Variants in XKR4 observed in about 807,000 individuals in gnomAD.
XKR4 encodes XK-related protein 4.
Under a neutral mutation model 53.9 loss-of-function variants are expected in XKR4, and 12 were observed. The observed-to-expected ratio is 0.22, with a 90% CI of 0.14 to 0.36. The LOEUF is 0.36. XKR4 is among the 10% of genes least tolerant of loss of function. The pLI is 1.00. For synonymous variants in XKR4, 354 were observed against 362.4 expected, an observed-to-expected ratio of 0.98 and a Z score of 0.26; for missense variants, 799 against 859.5, an observed-to-expected ratio of 0.93 and a Z score of 0.88.
chr8:55,432,743 CT>C, intron 2 of XKR4, among the ~76,000 whole-genome samples: 1 of 152,110 alleles, frequency 6.6e-6, no homozygotes, highest in African/African-American at 2.4e-5. Context: ...CTTCCTGAAC[CT>C]TATTTTCATT....
At chr8:55,268,461 C>G (rs1585977701) in intron 1 of XKR4, among the ~76,000 whole-genome samples, 1 of 152,118 alleles carries the variant, frequency 6.6e-6, no homozygotes, top group African/African-American at 2.4e-5. Flanking sequence ...GCTAATTGTG[C>G]TAGCCAGTCT....
intron 1 of XKR4, among the ~76,000 whole-genome samples, chr8:55,252,377 A>G (rs1475707370): frequency 3.9e-5 from 6 of 152,206 alleles, no homozygotes; most frequent in Admixed American, 3.3e-4. Flanking sequence ...AGGATCTCAA[A>G]CATGTACACT....
At chr8:55,141,647 C>CTCTCTA in intron 1 of XKR4, among the ~76,000 whole-genome samples, 2 of 138,404 alleles carry the variant, frequency 1.4e-5, no homozygotes, top group Non-Finnish European at 3.1e-5. Flanking sequence ...GCTTCTGCTT[C>CTCTCTA]TCTCTCTCTC....
intron 1 of XKR4, among the ~76,000 whole-genome samples, chr8:55,130,690 C>T (rs1816540626): frequency 6.6e-6 from 1 of 152,190 alleles, no homozygotes; most frequent in Admixed American, 6.5e-5. Context: ...GACCAGATGA[C>T]TAGGCCCCCA....
chr8:55,339,172 A>G (rs1250541990), intron 1 of XKR4, among the ~76,000 whole-genome samples: 3 of 152,184 alleles, frequency 2.0e-5, no homozygotes, highest in Non-Finnish European at 4.4e-5. Flanking sequence ...GTTTGATAAC[A>G]TAGGATGCTG....
intron 1 of XKR4, among the ~76,000 whole-genome samples, chr8:55,124,301 T>A (rs963650556): frequency 6.6e-6 from 1 of 152,188 alleles, no homozygotes; most frequent in African/African-American, 2.4e-5. Flanking sequence ...TTGTGGAACC[T>A]TCTTTAGTAG....
intron 1 of XKR4, among the ~76,000 whole-genome samples, chr8:55,115,137 G>A (rs942389361): frequency 2.0e-5 from 3 of 152,288 alleles, no homozygotes; most frequent in Middle Eastern, 3.4e-3. Context: ...GTAGCAAGAT[G>A]CCCAGGTGAT....
At chr8:55,377,819 TA>T (rs1297111059) in intron 2 of XKR4, among the ~76,000 whole-genome samples, 1 of 152,198 alleles carries the variant, frequency 6.6e-6, no homozygotes, top group African/African-American at 2.4e-5. Flanking sequence ...AGTAATCTGA[TA>T]TAATCAGACC....
rs1183759778 is a variant in XKR4 at position 55,348,689 on chromosome 8, CAT to C, written c.807-8987_807-8986del. Among the ~76,000 whole-genome samples, 871 of 144,094 alleles carry C rather than the reference CAT, an allele frequency of 6.0e-3. 8 individuals are homozygous for C. Among genetic ancestry groups the C allele is most frequent in the African/African-American group, 0.023 (825 of 35,884 alleles). The allele number at this position is 144,094 out of a possible 152,430, so 94.5% of individuals were successfully genotyped here. A position where few individuals can be genotyped will look rare whatever the true frequency, so the allele number is the denominator to read the frequency against. ...ATAGAGGGAGAGAGAGACAGACAAA[CAT>C]ACACACACACACACACACACACACA... is the stretch of plus-strand genomic sequence containing the variant. On this transcript the variant is annotated intron_variant, in intron 1 of 2. Coordinates refer to ENST00000327381, the MANE Select transcript of XKR4 (RefSeq NM_052898.2).
At chr8:55,197,774 A>G (rs181461836) in intron 1 of XKR4, among the ~76,000 whole-genome samples, 1 of 152,176 alleles carries the variant, frequency 6.6e-6, no homozygotes, top group East Asian at 1.9e-4. Flanking sequence ...TGATCTCCTG[A>G]CCTCGTGATC....
chr8:55,507,325 A>G (rs1275770406), intron 2 of XKR4, among the ~76,000 whole-genome samples: 1 of 151,542 alleles, frequency 6.6e-6, no homozygotes, highest in African/African-American at 2.4e-5. Context: ...ATTCTCATCC[A>G]TTTTCTTTTT....
intron 2 of XKR4, among the ~76,000 whole-genome samples, chr8:55,394,391 C>T (rs919562062): frequency 1.8e-4 from 27 of 152,156 alleles, no homozygotes; most frequent in African/African-American, 6.0e-4. Context: ...GTTACAATAG[C>T]TCTCATAAGA....
At chr8:55,143,716 A>G (rs1407627944) in intron 1 of XKR4, among the ~76,000 whole-genome samples, 1 of 152,236 alleles carries the variant, frequency 6.6e-6, no homozygotes, top group East Asian at 1.9e-4. Context: ...CAGTCAGGAA[A>G]GGATGTGCCT....
chr8:55,306,256 T>A (rs1442203026), intron 1 of XKR4, among the ~76,000 whole-genome samples: 1 of 152,224 alleles, frequency 6.6e-6, no homozygotes, highest in African/African-American at 2.4e-5. Flanking sequence ...GAAGCTTCAT[T>A]GTACTTTGCT....
rs372636201 is a variant in XKR4, at chr8:55,523,634, C to G, written c.1360C>G (p.Arg454Gly). The change falls in exon 3 of 3, where the codon CGC (arginine) becomes GGC (glycine). Residue 454 changes from arginine (R) to glycine (G), a missense_variant. Arg to Gly is a moderately radical substitution (Grantham distance 125). Coordinates refer to ENST00000327381, the MANE Select transcript of XKR4 (RefSeq NM_052898.2). ...SWFNVKEGRT[R>G]CRLFIYYFVI... ...GTTCAATGTCAAGGAAGGCAGGACA[C>G]GCTGCAGGCTATTCATTTACTATTT... is the stretch of plus-strand genomic sequence containing the variant. The G allele has an allele frequency of 8.7e-5, 141 of 1,614,016 alleles. No individual in the cohort carries two copies. The highest frequency in any genetic ancestry group is 1.1e-4 in the Non-Finnish European group (131 of 1,180,024).
intron 2 of XKR4, among the ~76,000 whole-genome samples, chr8:55,407,301 G>C (rs116232484): frequency 9.1e-4 from 138 of 152,274 alleles, no homozygotes; most frequent in South Asian, 2.7e-3. Flanking sequence ...TGTGAAGCGG[G>C]GCTTTCGCAC....
intron 1 of XKR4, among the ~76,000 whole-genome samples, chr8:55,246,472 T>C (rs1818286847): frequency 6.6e-6 from 1 of 152,180 alleles, no homozygotes; most frequent in Admixed American, 6.5e-5. Context: ...CACTTGTACC[T>C]ACAGACAAAT....
intron 1 of XKR4, among the ~76,000 whole-genome samples, chr8:55,179,482 G>A (rs758805242): frequency 2.0e-4 from 31 of 152,242 alleles, no homozygotes; most frequent in Non-Finnish European, 2.8e-4. Flanking sequence ...CTTTTGTGCT[G>A]GGCCGTTGAT....
chr8:55,274,684 C>T (rs575773484), intron 1 of XKR4, among the ~76,000 whole-genome samples: 7 of 152,100 alleles, frequency 4.6e-5, no homozygotes, highest in Non-Finnish European at 8.8e-5. Flanking sequence ...CTGCCTGCCT[C>T]GTCCTTTCAA....
Sources: gnomAD v4.1 joint callset for allele counts (sites outside exome capture counted in the v4.1 genomes callset) on GRCh38, gnomAD v4.1.1 for gene constraint, MANE v1.5 for transcripts, NCBI Gene and HGNC (gene_info 2026-07-23, HGNC 2026-07-21) for gene names.